MGMT: variants seen among roughly 807,000 people sequenced by gnomAD.
MGMT encodes the protein methylated-DNA--protein-cysteine methyltransferase.
In MGMT, 14 loss-of-function variants were observed where a neutral mutation model predicts 15.9. That is an observed-to-expected ratio of 0.88 (90% CI 0.58 to 1.37). The LOEUF (loss-of-function observed/expected upper bound fraction) is 1.37, where lower values mean the gene tolerates loss of function less well. Ranked by LOEUF, MGMT falls within the 40% of genes most tolerant of loss-of-function variation. The pLI is 0.00. For missense variants in MGMT, 282 were observed against 268.1 expected (o/e 1.05, Z -0.36); for synonymous variants, 130 against 118.2 (o/e 1.10, Z -0.65).
intron 2 of MGMT, among the ~76,000 whole-genome samples, chr10:129,573,301 G>A (rs1040438682): frequency 8.6e-5 from 13 of 152,018 alleles, no homozygotes; most frequent in African/African-American, 2.9e-4. Flanking sequence ...TTTTAATTGG[G>A]CAATAATTTC....
intron 3 of MGMT, among the ~76,000 whole-genome samples, chr10:129,739,709 C>T (rs1263922229): frequency 6.6e-6 from 1 of 152,188 alleles, no homozygotes; most frequent in Admixed American, 6.5e-5. Context: ...CCACCTGCAG[C>T]CCAGGATAGC....
intron 2 of MGMT, among the ~76,000 whole-genome samples, chr10:129,583,909 G>A (rs952192496): frequency 1.3e-5 from 2 of 152,154 alleles, no homozygotes; most frequent in African/African-American, 4.8e-5. Context: ...ATGTGTGGGT[G>A]CCTTGGTGTG....
intron 2 of MGMT, among the ~76,000 whole-genome samples, chr10:129,563,195 C>A (rs908065313): frequency 6.6e-6 from 1 of 152,194 alleles, no homozygotes; most frequent in African/African-American, 2.4e-5. Context: ...CAGGATGTAG[C>A]CCCATCATAA....
chr10:129,564,985 G>T (rs1427754958), intron 2 of MGMT, among the ~76,000 whole-genome samples: 2 of 152,156 alleles, frequency 1.3e-5, no homozygotes, highest in Non-Finnish European at 2.9e-5. Context: ...AGGCTGCCTT[G>T]TCTTTCCCCC....
chr10:129,605,017 CT>C (rs1363999203), intron 2 of MGMT, among the ~76,000 whole-genome samples: 1 of 152,166 alleles, frequency 6.6e-6, no homozygotes, highest in Non-Finnish European at 1.5e-5. Flanking sequence ...TCTGAGATTT[CT>C]TTTAATGTTT....
At chr10:129,616,948 A>C (rs1184557059) in intron 2 of MGMT, among the ~76,000 whole-genome samples, 1 of 152,202 alleles carries the variant, frequency 6.6e-6, no homozygotes, top group African/African-American at 2.4e-5. Context: ...AAATTCATAA[A>C]GTCAACCATG....
At chr10:129,560,866 A>G (rs946099288) in intron 2 of MGMT, among the ~76,000 whole-genome samples, 1 of 152,168 alleles carries the variant, frequency 6.6e-6, no homozygotes, top group African/African-American at 2.4e-5. Context: ...AAGCATCGAA[A>G]TATGAGACTA....
At chr10:129,687,847 AGCCC>A (rs1554877631) in intron 2 of MGMT, among the ~76,000 whole-genome samples, 8 of 135,486 alleles carry the variant, frequency 5.9e-5, no homozygotes, top group South Asian at 4.9e-4. Context: ...TCCCTCCCCC[AGCCC>A]CCCACCCCAC....
intron 1 of MGMT, among the ~76,000 whole-genome samples, chr10:129,519,510 G>A (rs1845780724): frequency 6.6e-6 from 1 of 152,180 alleles, no homozygotes; most frequent in Non-Finnish European, 1.5e-5. Context: ...CGGTGAGATG[G>A]AGCCTGTCGC....
chr10:129,475,258 C>G (rs1031706025), intron 1 of MGMT, among the ~76,000 whole-genome samples: 3 of 151,976 alleles, frequency 2.0e-5, no homozygotes, highest in Non-Finnish European at 4.4e-5. Flanking sequence ...TGGATTCACT[C>G]TAGGAGTGTT....
chr10:129,723,005 CAAAAA>C (rs3039560), intron 3 of MGMT, among the ~76,000 whole-genome samples: 49 of 60,262 alleles, frequency 8.1e-4, no homozygotes, highest in Admixed American at 1.9e-3. Flanking sequence ...GACTCTATCA[CAAAAA>C]AAAAAAAAAA....
intron 2 of MGMT, among the ~76,000 whole-genome samples, chr10:129,690,879 T>G (rs1449660933): frequency 1.3e-5 from 2 of 151,808 alleles, no homozygotes; most frequent in African/African-American, 4.8e-5. Flanking sequence ...TGATTCTGAG[T>G]ATGTGGTGAT....
chr10:129,656,289 G>T (rs1239950432), intron 2 of MGMT, among the ~76,000 whole-genome samples: 1 of 152,230 alleles, frequency 6.6e-6, no homozygotes, highest in East Asian at 1.9e-4. Flanking sequence ...TTGGGAACCA[G>T]TTGTGGCCAC....
At chr10:129,742,317 A>G (rs1401073387) in intron 3 of MGMT, among the ~76,000 whole-genome samples, 1 of 152,212 alleles carries the variant, frequency 6.6e-6, no homozygotes, top group African/African-American at 2.4e-5. Context: ...TAACTCTACC[A>G]TCCGCAGGAA....
intron 1 of MGMT, among the ~76,000 whole-genome samples, chr10:129,480,785 A>G (rs767725334): frequency 1.3e-5 from 2 of 152,240 alleles, no homozygotes; most frequent in Non-Finnish European, 2.9e-5. Flanking sequence ...TGTTCATTAC[A>G]GGTACAGACT....
At chr10:129,536,514 T>C (rs1475208721) in intron 2 of MGMT, 137 bp downstream of exon 2, 11 of 1,123,388 alleles carry the variant, frequency 9.8e-6, no homozygotes, top group Middle Eastern at 2.5e-4. Flanking sequence ...CGAGTCCGTC[T>C]CTCAAAACAG....
At chr10:129,495,992 C>T (rs371570876) in intron 1 of MGMT, among the ~76,000 whole-genome samples, 68 of 152,282 alleles carry the variant, frequency 4.5e-4, no homozygotes, top group East Asian at 3.7e-3. Context: ...GAGGTCCCTG[C>T]GGCTGGGGAC....
Position 129,639,745 on chromosome 10 carries a change from A to G in MGMT, c.126-68150A>G, listed in dbSNP as rs1847305483. Among the ~76,000 whole-genome samples, 2 of 152,178 alleles carry G rather than the reference A, an allele frequency of 1.3e-5. 1 individual carries two copies. Among genetic ancestry groups the G allele is most frequent in the South Asian group, 4.1e-4 (2 of 4,828 alleles). ...TATAATAGCAAAAGGTCTCAAAACAATGATCTAAGCTGCTGCTTTAAGAAA... is the reference window on the plus strand; with the variant it reads ...TATAATAGCAAAAGGTCTCAAAACAGTGATCTAAGCTGCTGCTTTAAGAAA... On this transcript the variant is annotated intron_variant, in intron 2 of 4. Coordinates refer to ENST00000651593, the MANE Select transcript of MGMT (RefSeq NM_002412.5).
chr10:129,545,028 G>A (rs1033465442), intron 2 of MGMT, among the ~76,000 whole-genome samples: 2 of 152,180 alleles, frequency 1.3e-5, no homozygotes, highest in African/African-American at 4.8e-5. Flanking sequence ...TGGCCTGGTG[G>A]GAGGAGGTGT....
Sources: allele counts gnomAD v4.1 joint callset (sites outside exome capture counted in the v4.1 genomes callset), GRCh38; gene constraint gnomAD v4.1.1; transcripts MANE v1.5; gene names NCBI Gene and HGNC (gene_info 2026-07-23, HGNC 2026-07-21).